The following KATNAL1 variants were observed in gnomAD, a reference collection of about 807,000 sequenced individuals.
The protein encoded by KATNAL1 is katanin p60 ATPase-containing subunit A-like 1.
Under a neutral mutation model 55.2 loss-of-function variants are expected in KATNAL1, and 32 were observed. The observed-to-expected ratio is 0.58, with a 90% CI of 0.44 to 0.78. The LOEUF is 0.78. Ranked by LOEUF, KATNAL1 falls within the 30% of genes least tolerant of loss-of-function variation. The pLI is 0.00. For missense variants in KATNAL1, 466 were observed against 600.9 expected (o/e 0.78, Z 2.35); for synonymous variants, 193 against 193.6 (o/e 1.00, Z 0.02).
At chr13:30,249,274 T>C (rs1456721719) in intron 4 of KATNAL1, among the ~76,000 whole-genome samples, 1 of 151,792 alleles carries the variant, frequency 6.6e-6, no homozygotes, top group Non-Finnish European at 1.5e-5. Context: ...TTGACAAGGA[T>C]GTGGAGCAAC....
intron 1 of KATNAL1, among the ~76,000 whole-genome samples, chr13:30,301,245 C>T (rs1236063142): frequency 6.6e-6 from 1 of 152,154 alleles, no homozygotes; most frequent in Non-Finnish European, 1.5e-5. Context: ...TAGCGAGTGC[C>T]TGTGGTCCCA....
intron 1 of KATNAL1, among the ~76,000 whole-genome samples, chr13:30,297,079 A>G (rs1882555037): frequency 6.6e-6 from 1 of 151,700 alleles, no homozygotes; most frequent in African/African-American, 2.4e-5. Flanking sequence ...AGGCTGCAGT[A>G]AGTTATGATC....
chr13:30,231,727 T>C (rs1213555773), intron 6 of KATNAL1, among the ~76,000 whole-genome samples: 2 of 152,206 alleles, frequency 1.3e-5, no homozygotes, highest in African/African-American at 2.4e-5. Context: ...AAGTTTCTCA[T>C]ATATTTAGAT....
At chr13:30,222,335 ACTGCAGTAT>A (rs1874956325) in intron 9 of KATNAL1, among the ~76,000 whole-genome samples, 1 of 152,130 alleles carries the variant, frequency 6.6e-6, no homozygotes, top group African/African-American at 2.4e-5. Flanking sequence ...TTGGACCTGA[ACTGCAGTAT>A]CAGCTCTTCC....
chr13:30,301,152 G>A (rs547115644), intron 1 of KATNAL1, among the ~76,000 whole-genome samples: 33 of 152,318 alleles, frequency 2.2e-4, no homozygotes, highest in African/African-American at 5.1e-4. Context: ...CGGATCTCCT[G>A]AGGTCAGGAG....
At position 30,203,174 on chromosome 13, in the gene KATNAL1, A is replaced by G. The variant is rs1350143641; in HGVS notation, c.*5366T>C. Reference sequence around the variant, plus strand: ...TGACCATAACAAAGACGGGAAAAGTAATTCAGACATTTCACAGAGGCCTTA... The same window carrying G: ...TGACCATAACAAAGACGGGAAAAGTGATTCAGACATTTCACAGAGGCCTTA... On this transcript the variant is annotated 3_prime_UTR_variant, in exon 11 of 11. Coordinates refer to ENST00000380615, the MANE Select transcript of KATNAL1 (RefSeq NM_032116.5). The G allele has an allele frequency of 6.6e-6, 1 of 152,248 alleles. No individual in the cohort carries two copies. The highest frequency in any genetic ancestry group is 1.5e-5 in the Non-Finnish European group (1 of 68,042). 9.4% of individuals were successfully genotyped at this position (152,248 alleles called of 1,614,324 possible). A position where few individuals can be genotyped will look rare whatever the true frequency, so the allele number is the denominator to read the frequency against.
At chr13:30,246,474 T>C (rs1418164893) in intron 4 of KATNAL1, among the ~76,000 whole-genome samples, 1 of 152,168 alleles carries the variant, frequency 6.6e-6, no homozygotes, top group Non-Finnish European at 1.5e-5. Context: ...ATTCAGGACA[T>C]AGGCATGGGT....
At chr13:30,240,861 A>C in intron 5 of KATNAL1, 98 bp downstream of exon 5, 1 of 1,080,602 alleles carries the variant, frequency 9.3e-7, no homozygotes, top group Non-Finnish European at 1.3e-6. Flanking sequence ...ATGTGGTCAT[A>C]ATCAGATTAA....
intron 1 of KATNAL1, among the ~76,000 whole-genome samples, chr13:30,290,746 C>G (rs1333852287): frequency 6.6e-6 from 1 of 151,884 alleles, no homozygotes; most frequent in African/African-American, 2.4e-5. Flanking sequence ...GTATTATGAC[C>G]CAGTGACGAA....
At chr13:30,223,822 C>T (rs1371263816) in intron 9 of KATNAL1, among the ~76,000 whole-genome samples, 1 of 152,188 alleles carries the variant, frequency 6.6e-6, no homozygotes, top group Admixed American at 6.5e-5. Context: ...AAAAAATCAG[C>T]AAGGATCTTA....
Position 30,292,060 on chromosome 13 carries a change from C to T in KATNAL1, c.-14-8269G>A, listed in dbSNP as rs1000068611. Among the ~76,000 whole-genome samples, 5 of 151,962 alleles carry T rather than the reference C, an allele frequency of 3.3e-5. No homozygotes were observed. In the East Asian group the frequency reaches 5.8e-4, roughly 18 times the overall value. Reference sequence around the variant, plus strand: ...CAAAAAAAAATAAAGTTACGGTAATCAAGACAGTGTGGAACTGACATAAAG... The same window carrying T: ...CAAAAAAAAATAAAGTTACGGTAATTAAGACAGTGTGGAACTGACATAAAG... On this transcript the variant is annotated intron_variant, in intron 1 of 10. Transcript: ENST00000380615.
chr13:30,286,398 C>A lies in KATNAL1; in HGVS notation c.-14-2607G>T, dbSNP rs142092539. Reference sequence around the variant, plus strand: ...CCACTCCAGCCATGGCTAAAAGGGGCCAAGGTACAACTCAGGCCATGGCTT... The same window carrying A: ...CCACTCCAGCCATGGCTAAAAGGGGACAAGGTACAACTCAGGCCATGGCTT... On this transcript the variant is annotated intron_variant, in intron 1 of 10. Coordinates refer to ENST00000380615, the MANE Select transcript of KATNAL1 (RefSeq NM_032116.5). Among the ~76,000 whole-genome samples the A allele has an allele frequency of 2.0e-3, 303 of 152,350 alleles. 2 individuals carry two copies. The highest frequency in any genetic ancestry group is 6.7e-3 in the African/African-American group (279 of 41,580).
intron 3 of KATNAL1, among the ~76,000 whole-genome samples, chr13:30,279,560 G>A (rs1593938041): frequency 1.3e-5 from 2 of 152,180 alleles, no homozygotes; most frequent in Non-Finnish European, 2.9e-5. Context: ...TGCACAGGCT[G>A]GGTATTAGAG....
At chr13:30,274,325 CA>C (rs756147908) in intron 3 of KATNAL1, among the ~76,000 whole-genome samples, 4 of 152,088 alleles carry the variant, frequency 2.6e-5, no homozygotes, top group African/African-American at 7.2e-5. Context: ...AAAATACTGC[CA>C]GTTAATCTCT....
intron 4 of KATNAL1, among the ~76,000 whole-genome samples, chr13:30,248,269 CG>C (rs1234151634): frequency 6.6e-6 from 1 of 152,118 alleles, no homozygotes; most frequent in East Asian, 1.9e-4. Context: ...AAAAAAACAA[CG>C]GTGGGTGAGT....
chr13:30,206,190 A>AG lies in KATNAL1; in HGVS notation c.*2349dup, dbSNP rs1308620288. The AG allele has an allele frequency of 6.6e-6, 1 of 152,218 alleles. No homozygotes were observed. Among genetic ancestry groups the AG allele is most frequent in the Admixed American group, 6.6e-5 (1 of 15,254 alleles). The allele number at this position is 152,218 out of a possible 1,614,324, so 9.4% of individuals were successfully genotyped here. ...CAGCTACTCAGGAGGCCGAGGCAGG[A>AG]GAATGGCTTGAACCTGGGAGGCAGA... is the stretch of plus-strand genomic sequence containing the variant. On this transcript the variant is annotated 3_prime_UTR_variant, in exon 11 of 11. Coordinates refer to ENST00000380615, the MANE Select transcript of KATNAL1 (RefSeq NM_032116.5).
At position 30,307,485 on chromosome 13, in the gene KATNAL1, C is replaced by A. The variant is rs1334248812; in HGVS notation, c.-169G>T. ...AGTGTTGCCATGGCAGCCGCGGCCG[C>A]GCGGTGGGCGCAGCGCGGGAGGGAG... On this transcript the variant is annotated 5_prime_UTR_variant, in exon 1 of 11. Transcript: ENST00000380615. The A allele has an allele frequency of 6.6e-6, 1 of 151,262 alleles. No homozygotes were observed. Among genetic ancestry groups the A allele is most frequent in the Non-Finnish European group, 1.5e-5 (1 of 68,084 alleles). The allele number at this position is 151,262 out of a possible 1,614,324, so 9.4% of individuals were successfully genotyped here.
At position 30,203,547 on chromosome 13, in the gene KATNAL1, CTATT is replaced by C. The variant is rs1872858724; in HGVS notation, c.*4989_*4992del. 2 of 152,112 alleles carry C rather than the reference CTATT, an allele frequency of 1.3e-5. No individual in the cohort carries two copies. Among genetic ancestry groups the C allele is most frequent in the African/African-American group, 2.4e-5 (1 of 41,406 alleles). The allele number at this position is 152,112 out of a possible 1,614,324, so 9.4% of individuals were successfully genotyped here. ...AGGGAAACTTCTCTATACAAATTCC[CTATT>C]TTTTTGTGTCAAATTTCCATATGTA... On this transcript the variant is annotated 3_prime_UTR_variant, in exon 11 of 11. Coordinates refer to ENST00000380615, the MANE Select transcript of KATNAL1 (RefSeq NM_032116.5).
chr13:30,244,011 A>G (rs1381032973), intron 4 of KATNAL1, among the ~76,000 whole-genome samples: 3 of 152,070 alleles, frequency 2.0e-5, no homozygotes, highest in East Asian at 1.9e-4. Context: ...TACACGTGCC[A>G]TGGTCATTTG....
Sources: gnomAD v4.1 joint callset for allele counts (sites outside exome capture counted in the v4.1 genomes callset) on GRCh38, gnomAD v4.1.1 for gene constraint, MANE v1.5 for transcripts, NCBI Gene and HGNC (gene_info 2026-07-23, HGNC 2026-07-21) for gene names.